FBXO46: variants seen among roughly 807,000 people sequenced by gnomAD.
The protein encoded by FBXO46 is F-box protein 46.
Under a neutral mutation model 30.7 loss-of-function variants are expected in FBXO46, and 13 were observed. The ratio of observed to expected loss-of-function variants is 0.42; its 90% CI spans 0.28 to 0.67. FBXO46 has a LOEUF of 0.67. FBXO46 is among the 30% of genes least tolerant of loss of function. FBXO46 has a pLI of 0.21. For missense variants in FBXO46, 754 were observed against 871.5 expected (o/e 0.87, Z 1.70); for synonymous variants, 467 against 385.8 (o/e 1.21, Z -2.47).
intron 1 of FBXO46, among the ~76,000 whole-genome samples, chr19:45,720,566 G>A (rs989361014): frequency 6.6e-6 from 1 of 152,186 alleles, no homozygotes; most frequent in Non-Finnish European, 1.5e-5. Flanking sequence ...ACTGTGCCCA[G>A]CCTATCCCAG....
intron 1 of FBXO46, among the ~76,000 whole-genome samples, chr19:45,720,196 T>G (rs1275511724): frequency 6.6e-6 from 1 of 152,070 alleles, no homozygotes; most frequent in African/African-American, 2.4e-5. Flanking sequence ...CGATCTCGGC[T>G]CACTGCAATC....
Position 45,712,705 on chromosome 19 carries a change from C to A in FBXO46, c.791G>T (p.Arg264Leu). ...PGPGEVRIAF[R>L]ISNGREPRAP... ...ACGGGGCTCCCGGCCGTTGGAGATG[C>A]GGAAGGCGATGCGCACCTCCCCAGG... Residue 264 changes from arginine to leucine, a missense_variant, in exon 2 of 2, where the codon CGC becomes CTC. Arg to Leu is a moderately radical substitution (Grantham distance 102). This residue lies in a region of FBXO46 where 454 missense variants were observed against 426.5 expected (regional missense o/e 1.06). Transcript: ENST00000317683. This position sits in a 1 kb window ranked among gnomAD's most constrained non-coding sequence, Gnocchi z 8.8. 6 of 1,612,688 alleles carry A rather than the reference C, an allele frequency of 3.7e-6. No homozygotes were observed. Among genetic ancestry groups the A allele is most frequent in the Non-Finnish European group, 5.1e-6 (6 of 1,179,434 alleles).
chr19:45,727,085 C>G (rs1401043604), intron 1 of FBXO46, among the ~76,000 whole-genome samples: 1 of 151,764 alleles, frequency 6.6e-6, no homozygotes, highest in Admixed American at 6.6e-5. Context: ...TGGTGAAACG[C>G]TGACTCTACA....
intron 1 of FBXO46, among the ~76,000 whole-genome samples, chr19:45,721,639 GC>G (rs1346448205): frequency 4.0e-4 from 56 of 141,692 alleles, no homozygotes; most frequent in African/African-American, 1.5e-3. Flanking sequence ...TCGAACCTCT[GC>G]CTCGTGGGTT....
chr19:45,713,712 A>T lies in FBXO46; in HGVS notation c.-78-139T>A. The T allele has an allele frequency of 2.1e-6, 1 of 477,030 alleles. No homozygotes were observed. The highest frequency in any genetic ancestry group is 3.4e-5 in the East Asian group (1 of 29,522). 29.5% of individuals were successfully genotyped at this position (477,030 alleles called of 1,614,324 possible). On this transcript the variant is annotated intron_variant, in intron 1 of 1. Coordinates refer to ENST00000317683, the MANE Select transcript of FBXO46 (RefSeq NM_001080469.2). The surrounding 1 kb of genome is among the most constrained non-coding windows in gnomAD (Gnocchi z 4.7). Reference sequence around the variant, plus strand: ...GCTGGGCGCGGTGGCTCACGCCTGTAATCCCAGCACTTTGGGAGGCTGAGG... The same window carrying T: ...GCTGGGCGCGGTGGCTCACGCCTGTTATCCCAGCACTTTGGGAGGCTGAGG...
chr19:45,712,946 C>G lies in FBXO46; in HGVS notation c.550G>C (p.Ala184Pro). Residue 184 changes from alanine (A) to proline (P), a missense_variant, in exon 2 of 2, where the codon GCC (alanine) becomes CCC (proline). Physicochemically the swap from Ala to Pro is conservative, Grantham distance 27. Coordinates refer to ENST00000317683, the MANE Select transcript of FBXO46 (RefSeq NM_001080469.2). This position sits in a 1 kb window ranked among gnomAD's most constrained non-coding sequence, Gnocchi z 8.8. ...EMVALVEQRA[A>P]LALQSYPRPT... Reference sequence around the variant, plus strand: ...CGTGGGTAGCTCTGCAGGGCCAGGGCTGCCCGCTGTTCCACCAGGGCCACC... The same window carrying G: ...CGTGGGTAGCTCTGCAGGGCCAGGGGTGCCCGCTGTTCCACCAGGGCCACC... The G allele has an allele frequency of 1.3e-6, 2 of 1,594,172 alleles. No individual in the cohort carries two copies. The highest frequency in any genetic ancestry group is 8.5e-7 in the Non-Finnish European group (1 of 1,170,530).
At chr19:45,727,181 G>A (rs1480053507) in intron 1 of FBXO46, among the ~76,000 whole-genome samples, 1 of 151,896 alleles carries the variant, frequency 6.6e-6, no homozygotes, top group Non-Finnish European at 1.5e-5. Flanking sequence ...CCTGGGAGGT[G>A]GAAGTTGCAG....
chr19:45,711,096 C>T lies in FBXO46; in HGVS notation c.*588G>A, dbSNP rs1401483165. On this transcript the variant is annotated 3_prime_UTR_variant, in exon 2 of 2. Transcript: ENST00000317683. ...TGGTAGCTTGAGGTTAAGGAGAAAA[C>T]AGTATTTCCCCCCCACTTCTTTAAT... The T allele has an allele frequency of 2.9e-6, 1 of 347,478 alleles. No individual in the cohort carries two copies. Among genetic ancestry groups the T allele is most frequent in the Non-Finnish European group, 5.6e-6 (1 of 178,150 alleles). The allele number at this position is 347,478 out of a possible 1,614,324, so 21.5% of individuals were successfully genotyped here. A position where few individuals can be genotyped will look rare whatever the true frequency, so the allele number is the denominator to read the frequency against.
intron 1 of FBXO46, chr19:45,715,329 G>C (rs749113102): frequency 6.6e-6 from 1 of 152,122 alleles, no homozygotes; most frequent in Non-Finnish European, 1.5e-5. Context: ...AATCCAGCTC[G>C]CTGTCTTTGT....
upstream of FBXO46, chr19:45,731,009 G>A (rs539581309): frequency 2.0e-5 from 3 of 152,282 alleles, no homozygotes; most frequent in African/African-American, 4.8e-5. Context: ...GCTTGGAGGT[G>A]GGGTAGGAAG....
chr19:45,721,785 ATC>A (rs985770947), intron 1 of FBXO46, among the ~76,000 whole-genome samples: 16 of 150,308 alleles, frequency 1.1e-4, no homozygotes, highest in African/African-American at 3.7e-4. Context: ...TGACCTCGTG[ATC>A]CACCCAAAGT....
At chr19:45,727,769 T>A (rs1968258249) in intron 1 of FBXO46, among the ~76,000 whole-genome samples, 1 of 152,190 alleles carries the variant, frequency 6.6e-6, no homozygotes. Context: ...GTTGTCAAAC[T>A]GCCCAATGAG....
rs770981240 is a variant in FBXO46, at chr19:45,712,691, G to A, written c.805C>T (p.Arg269Trp). ...CCGCTGTCTGGTGCACGGGGCTCCC[G>A]GCCGTTGGAGATGCGGAAGGCGATG... Reference protein sequence around the residue: ...VRIAFRISNGREPRAPDSGLP... With the variant: ...VRIAFRISNGWEPRAPDSGLP... Residue 269 changes from arginine (R) to tryptophan (W), a missense_variant, in exon 2 of 2, where the codon CGG (arginine) becomes TGG (tryptophan). Arg to Trp is a moderately radical substitution (Grantham distance 101). Coordinates refer to ENST00000317683, the MANE Select transcript of FBXO46 (RefSeq NM_001080469.2). This position sits in a 1 kb window ranked among gnomAD's most constrained non-coding sequence, Gnocchi z 8.8. The A allele has an allele frequency of 1.2e-5, 19 of 1,612,652 alleles. No individual in the cohort carries two copies. The highest frequency in any genetic ancestry group is 2.7e-5 in the African/African-American group (2 of 74,908).
chr19:45,726,510 T>C lies in FBXO46; in HGVS notation c.-79+4339A>G, dbSNP rs987126946. 3.9e-5 allele frequency among the ~76,000 whole-genome samples: 6 copies of C among 151,930 alleles called. No individual in the cohort carries two copies. The South Asian group carries it at 6.2e-4, about 16-fold the overall frequency. On this transcript the variant is annotated intron_variant, in intron 1 of 1. Transcript: ENST00000317683. The stretch of plus-strand genomic sequence containing the variant: ...TAAAAATATAAAAATTAGCAGGGCA[T>C]AGAGGTGTACACCTGTAATCCCAGC...
At chr19:45,715,806 CAAAAAAAAA>C (rs71175215) in intron 1 of FBXO46, 2 of 79,434 alleles carry the variant, frequency 2.5e-5, no homozygotes, top group Non-Finnish European at 4.5e-5. Context: ...AACTCCATCT[CAAAAAAAAA>C]AAAAAAAAAA....
At position 45,711,593 on chromosome 19, in the gene FBXO46, G is replaced by A. The variant is rs1264414877; in HGVS notation, c.*91C>T. The A allele has an allele frequency of 1.0e-6, 1 of 983,810 alleles. No individual in the cohort carries two copies. The highest frequency in any genetic ancestry group is 1.6e-6 in the Non-Finnish European group (1 of 643,072). The allele number at this position is 983,810 out of a possible 1,614,324, so 60.9% of individuals were successfully genotyped here. A position where few individuals can be genotyped will look rare whatever the true frequency, so the allele number is the denominator to read the frequency against. ...GGGATCAATGCTGCCTGGAGTAGGG[G>A]AATGGGCAGGCGGCCCAGTCCGGAC... On this transcript the variant is annotated 3_prime_UTR_variant, in exon 2 of 2. Transcript: ENST00000317683.
At chr19:45,731,718 G>C (rs1443251139), upstream of FBXO46, among the ~76,000 whole-genome samples, 1 of 152,060 alleles carries the variant, frequency 6.6e-6, no homozygotes, top group African/African-American at 2.4e-5. Flanking sequence ...TAGAATAGCA[G>C]CTCCACATCG....
intron 1 of FBXO46, among the ~76,000 whole-genome samples, chr19:45,728,446 A>G (rs1321484554): frequency 6.6e-6 from 1 of 152,230 alleles, no homozygotes; most frequent in Non-Finnish European, 1.5e-5. Flanking sequence ...AGGGCTCATA[A>G]AGTAAGTTCC....
rs775571055 is a variant in FBXO46, at chr19:45,713,223, G to A, written c.273C>T (p.Val91=). 6.2e-6 allele frequency: 10 copies of A among 1,613,854 alleles called. No homozygotes were observed. In the African/African-American group the frequency reaches 8.0e-5, roughly 13 times the overall value. The change falls in exon 2 of 2, where the codon GTC becomes GTT. Residue 91 remains valine, a synonymous_variant. Transcript: ENST00000317683. The surrounding 1 kb of genome is among the most constrained non-coding windows in gnomAD (Gnocchi z 4.7). Reference sequence around the variant, plus strand: ...TCTCCTTTGTATTCCCGGGCTTGATGACATACCACGTGTCCAGGAGGACTC... The same window carrying A: ...TCTCCTTTGTATTCCCGGGCTTGATAACATACCACGTGTCCAGGAGGACTC... The part of the protein sequence containing the change: ...EGRVLLDTWY[V]IKPGNTKEKV...
Sources: gnomAD v4.1 joint callset for allele counts (sites outside exome capture counted in the v4.1 genomes callset) on GRCh38, gnomAD v4.1.1 for gene constraint, gnomAD v4.1.1 regional missense constraint, Gnocchi (gnomAD v3.1) non-coding constraint, MANE v1.5 for transcripts, NCBI Gene and HGNC (gene_info 2026-07-23, HGNC 2026-07-21) for gene names.